FBN2: variants seen among roughly 807,000 people sequenced by gnomAD.
FBN2 encodes the protein fibrillin 2, also known as fibrillin-2.
Under a neutral mutation model 355.6 loss-of-function variants are expected in FBN2, and 105 were observed. That is an observed-to-expected ratio of 0.30 (90% CI 0.25 to 0.35). The LOEUF (loss-of-function observed/expected upper bound fraction) is 0.35, where lower values mean the gene tolerates loss of function less well. Among genes scored for constraint, FBN2 ranks in the 10% least tolerant of loss-of-function variants. The probability of loss-of-function intolerance (pLI) is 1.00; values close to 1 mark genes in which losing one functional copy is unlikely to be tolerated. For missense variants in FBN2, 3,280 were observed against 3,758.7 expected, an observed-to-expected ratio of 0.87 and a Z score of 3.33; for synonymous variants, 1,350 against 1,301.2, an observed-to-expected ratio of 1.04 and a Z score of -0.81.
At chr5:128,285,781 T>C (rs1311518288) in intron 55 of FBN2, among the ~76,000 whole-genome samples, 1 of 152,156 alleles carries the variant, frequency 6.6e-6, no homozygotes, top group African/African-American at 2.4e-5. Flanking sequence ...CAACAACATA[T>C]CTTTAAATGT....
At chr5:128,382,987 G>T (rs1752273485) in intron 11 of FBN2, among the ~76,000 whole-genome samples, 1 of 152,150 alleles carries the variant, frequency 6.6e-6, no homozygotes, top group South Asian at 2.1e-4. Flanking sequence ...CAAAGTATAA[G>T]AAATCATGGT....
chr5:128,499,825 T>A (rs551235675), intron 5 of FBN2, among the ~76,000 whole-genome samples: 1 of 152,250 alleles, frequency 6.6e-6, no homozygotes, highest in African/African-American at 2.4e-5. Flanking sequence ...ACCATCTTGT[T>A]CAAGATTTGG....
Position 128,280,192 on chromosome 5 carries a change from C to G in FBN2, c.7138G>C (p.Asp2380His), listed in dbSNP as rs886059893. ...QSSSSGTECL[D>H]NRQGLCFAEV... is the part of the protein sequence containing the mutation. ...ATAATATATTTGGATGTCAACTTAC[C>G]AAGGCATTCAGTGCCTGAAGAACTT... The change falls in exon 56 of 65, where the codon GAC (aspartate) becomes CAC (histidine). Residue 2380 changes from aspartate to histidine, a missense_variant and splice_region_variant. By Grantham distance (81) the Asp-to-His change is moderately conservative. This residue lies in a region of FBN2 where 2,284 missense variants were observed against 2,749.5 expected (regional missense o/e 0.83). Coordinates refer to ENST00000262464, the MANE Select transcript of FBN2 (RefSeq NM_001999.4). The G allele has an allele frequency of 6.2e-7, 1 of 1,611,586 alleles. No individual in the cohort carries two copies. The highest frequency in any genetic ancestry group is 1.7e-5 in the Admixed American group (1 of 60,018).
chr5:128,333,107 T>C, intron 31 of FBN2, 73 bp from the exon 32 acceptor site: 1 of 1,337,150 alleles, frequency 7.5e-7, no homozygotes, highest in South Asian at 1.2e-5. Context: ...TATATTTTTG[T>C]ATAGGTAACA....
intron 8 of FBN2, among the ~76,000 whole-genome samples, chr5:128,401,939 T>C (rs1016755699): frequency 2.6e-5 from 4 of 152,110 alleles, no homozygotes. Flanking sequence ...TTTCATAAAT[T>C]CTACAATTAG....
At chr5:128,472,044 G>A (rs760704244) in intron 5 of FBN2, among the ~76,000 whole-genome samples, 2 of 152,196 alleles carry the variant, frequency 1.3e-5, no homozygotes, top group African/African-American at 2.4e-5. Context: ...ATAGGCACTT[G>A]AAGAGATATT....
At chr5:128,409,811 C>CT (rs1178270778) in intron 7 of FBN2, among the ~76,000 whole-genome samples, 1 of 152,052 alleles carries the variant, frequency 6.6e-6, no homozygotes, top group African/African-American at 2.4e-5. Flanking sequence ...TGCATTTATT[C>CT]TTTTAAAATG....
chr5:128,261,315 T>C (rs1561734823), intron 64 of FBN2, among the ~76,000 whole-genome samples: 1 of 152,190 alleles, frequency 6.6e-6, no homozygotes. Flanking sequence ...AACAACTGTC[T>C]TAAAAATAAA....
At chr5:128,322,508 G>A (rs1161659172) in intron 34 of FBN2, among the ~76,000 whole-genome samples, 3 of 152,164 alleles carry the variant, frequency 2.0e-5, no homozygotes, top group African/African-American at 7.2e-5. Flanking sequence ...CATATGGCTA[G>A]CCAGTTTTCC....
intron 11 of FBN2, 127 bp downstream of exon 11, chr5:128,391,891 A>C: frequency 2.4e-6 from 2 of 832,654 alleles, no homozygotes; most frequent in Non-Finnish European, 3.9e-6. Flanking sequence ...ATACACACAG[A>C]AGAGACAGTT....
intron 7 of FBN2, among the ~76,000 whole-genome samples, chr5:128,423,129 C>T (rs980485772): frequency 2.9e-4 from 43 of 148,934 alleles, no homozygotes; most frequent in Non-Finnish European, 7.4e-5. Flanking sequence ...AGAAAGGGGC[C>T]AGGAAAGACT....
At position 128,446,925 on chromosome 5, in the gene FBN2, T is replaced by TC. The variant is rs200501322; in HGVS notation, c.827-320dup. ...CAGAAGCATGGAAATTGTGAAGATT[T>TC]CATGGACATTTATTAATTCCCCAAA... On this transcript the variant is annotated intron_variant, in intron 6 of 64. Coordinates refer to ENST00000262464, the MANE Select transcript of FBN2 (RefSeq NM_001999.4). Among the ~76,000 whole-genome samples, 964 of 152,330 alleles carry TC rather than the reference T, an allele frequency of 6.3e-3. 11 individuals carry two copies. The highest frequency in any genetic ancestry group is 0.022 in the African/African-American group (905 of 41,572).
chr5:128,284,933 T>C (rs922282134), intron 55 of FBN2, among the ~76,000 whole-genome samples: 25 of 152,340 alleles, frequency 1.6e-4, no homozygotes, highest in African/African-American at 5.8e-4. Context: ...TAATCAAAGA[T>C]TGTTGGATAA....
intron 19 of FBN2, among the ~76,000 whole-genome samples, chr5:128,359,022 A>C (rs1751572304): frequency 6.6e-6 from 1 of 152,066 alleles, no homozygotes; most frequent in South Asian, 2.1e-4. Context: ...TTCAAAGCAC[A>C]TCTGGTTTAC....
At chr5:128,332,790 A>C in intron 32 of FBN2, 122 bp downstream of exon 32, 5 of 998,134 alleles carry the variant, frequency 5.0e-6, no homozygotes, top group Non-Finnish European at 6.4e-6. Context: ...ATTATCTTGC[A>C]ACTAAGATAA....
chr5:128,473,104 C>T (rs1754916902), intron 5 of FBN2, among the ~76,000 whole-genome samples: 1 of 152,118 alleles, frequency 6.6e-6, no homozygotes, highest in African/African-American at 2.4e-5. Flanking sequence ...ACTGACTATA[C>T]TTTGGCAAGT....
chr5:128,372,719 T>C (rs1306343158), intron 15 of FBN2, among the ~76,000 whole-genome samples: 2 of 152,176 alleles, frequency 1.3e-5, no homozygotes, highest in African/African-American at 4.8e-5. Context: ...TTTGAACTCC[T>C]GAGCTCAAGC....
chr5:128,460,460 C>T (rs994908332), intron 6 of FBN2, among the ~76,000 whole-genome samples: 2 of 152,010 alleles, frequency 1.3e-5, no homozygotes, highest in African/African-American at 4.8e-5. Flanking sequence ...AATGCTATTC[C>T]CATTGAACTG....
At chr5:128,263,709 A>T in intron 62 of FBN2, 53 bp from the exon 63 acceptor site, 1 of 1,348,980 alleles carries the variant, frequency 7.4e-7, no homozygotes, top group Non-Finnish European at 1.1e-6. Context: ...AAGAGCAAAA[A>T]CGTGAACAAG....
Sources: gnomAD v4.1 joint callset for allele counts (sites outside exome capture counted in the v4.1 genomes callset) on GRCh38, gnomAD v4.1.1 for gene constraint, gnomAD v4.1.1 regional missense constraint, MANE v1.5 for transcripts, NCBI Gene and HGNC (gene_info 2026-07-23, HGNC 2026-07-21) for gene names.